The following ADGRA3 variants were observed in gnomAD, a reference collection of about 807,000 sequenced individuals.
The protein encoded by ADGRA3 is G-protein coupled receptor 125.
Under a neutral mutation model 119.8 loss-of-function variants are expected in ADGRA3, and 56 were observed. The ratio of observed to expected loss-of-function variants is 0.47; its 90% CI spans 0.38 to 0.58. The LOEUF (loss-of-function observed/expected upper bound fraction) is 0.58, where lower values mean the gene tolerates loss of function less well. Among genes scored for constraint, ADGRA3 ranks in the 20% least tolerant of loss-of-function variants. ADGRA3 has a pLI of 0.00. For synonymous variants in ADGRA3, 607 were observed against 623.8 expected, an observed-to-expected ratio of 0.97 and a Z score of 0.40; for missense variants, 1,516 against 1,649.0, an observed-to-expected ratio of 0.92 and a Z score of 1.40.
chr4:22,506,527 T>C (rs1719246354), intron 1 of ADGRA3, among the ~76,000 whole-genome samples: 3 of 152,170 alleles, frequency 2.0e-5, no homozygotes. Context: ...CACTCCAGCC[T>C]GGGTGACAGA....
At chr4:22,467,140 G>C (rs1162338168) in intron 2 of ADGRA3, among the ~76,000 whole-genome samples, 1 of 152,066 alleles carries the variant, frequency 6.6e-6, no homozygotes, top group East Asian at 1.9e-4. Context: ...TTCCAATATA[G>C]AAGAAAAAAC....
chr4:22,388,892 T>C lies in ADGRA3; in HGVS notation c.2779A>G (p.Ile927Val). 6.2e-7 allele frequency: 1 copy of C among 1,614,110 alleles called. No individual in the cohort carries two copies. Among genetic ancestry groups the C allele is most frequent in the Non-Finnish European group, 8.5e-7 (1 of 1,179,990 alleles). Residue 927 changes from isoleucine to valine, a missense_variant, in exon 19 of 19, where the codon ATC (isoleucine) becomes GTC (valine). Ile to Val is a conservative substitution (Grantham distance 29, BLOSUM62 3). Coordinates refer to ENST00000334304, the MANE Select transcript of ADGRA3 (RefSeq NM_145290.4). ...LGAFYGPASFITFVNCMYFLS... is the reference protein window; with the variant it reads ...LGAFYGPASFVTFVNCMYFLS... ...AAGTACATGCAGTTTACAAAAGTGATGAAGCTGGCTGGCCCATAGAAGGCT... is the reference window on the plus strand; with the variant it reads ...AAGTACATGCAGTTTACAAAAGTGACGAAGCTGGCTGGCCCATAGAAGGCT...
chr4:22,401,601 G>A, intron 15 of ADGRA3, 47 bp from the exon 16 acceptor site: 4 of 1,416,428 alleles, frequency 2.8e-6, no homozygotes, highest in East Asian at 2.3e-5. Context: ...TAGTACATAA[G>A]GAGAAAACTA....
chr4:22,472,406 A>AG (rs755392262), intron 2 of ADGRA3, among the ~76,000 whole-genome samples: 2 of 152,338 alleles, frequency 1.3e-5, no homozygotes, highest in South Asian at 4.1e-4. Context: ...CCCTTAGCTT[A>AG]GGCAGGCCTA....
chr4:22,481,896 T>C (rs1718271419), intron 1 of ADGRA3, among the ~76,000 whole-genome samples: 1 of 151,720 alleles, frequency 6.6e-6, no homozygotes, highest in Non-Finnish European at 1.5e-5. Flanking sequence ...TAATTCTTCC[T>C]AGCAAAAATG....
intron 7 of ADGRA3, 115 bp from the exon 8 acceptor site, chr4:22,438,535 G>A (rs1462084406): frequency 1.4e-6 from 1 of 732,782 alleles, no homozygotes; most frequent in Non-Finnish European, 2.2e-6. Flanking sequence ...TGTGGGGTAA[G>A]CACTTGCTAT....
intron 10 of ADGRA3, among the ~76,000 whole-genome samples, chr4:22,424,931 T>C (rs950071079): frequency 7.2e-5 from 11 of 151,986 alleles, no homozygotes; most frequent in Admixed American, 4.6e-4. Context: ...ACAAATTAGC[T>C]GGGCATGGTG....
chr4:22,486,822 C>A (rs934133444), intron 1 of ADGRA3, among the ~76,000 whole-genome samples: 1 of 152,176 alleles, frequency 6.6e-6, no homozygotes, highest in Non-Finnish European at 1.5e-5. Context: ...AAGTTCTTAA[C>A]CTCTTAGTTA....
At chr4:22,395,178 C>T (rs1023561022) in intron 16 of ADGRA3, among the ~76,000 whole-genome samples, 2 of 152,114 alleles carry the variant, frequency 1.3e-5, no homozygotes, top group African/African-American at 4.8e-5. Context: ...AGCCACCTTA[C>T]CTCGGGACAC....
At chr4:22,513,857 A>C (rs1042169942) in intron 1 of ADGRA3, among the ~76,000 whole-genome samples, 3 of 150,346 alleles carry the variant, frequency 2.0e-5, no homozygotes, top group African/African-American at 4.9e-5. Context: ...AAAAAAAAAA[A>C]AAAAAAAAAA....
At chr4:22,473,895 A>G in intron 1 of ADGRA3, 52 bp from the exon 2 acceptor site, 1 of 1,061,968 alleles carries the variant, frequency 9.4e-7, no homozygotes, top group Non-Finnish European at 1.4e-6. Flanking sequence ...TACCAATATC[A>G]AAGTAATTTA....
chr4:22,434,641 T>A (rs1217080032), intron 10 of ADGRA3, among the ~76,000 whole-genome samples: 1 of 152,186 alleles, frequency 6.6e-6, no homozygotes, highest in Non-Finnish European at 1.5e-5. Context: ...AACGTAAAGT[T>A]TAAGAACACA....
chr4:22,454,743 C>T (rs1182483857), intron 4 of ADGRA3, 123 bp downstream of exon 4: 6 of 706,788 alleles, frequency 8.5e-6, no homozygotes, highest in Admixed American at 2.4e-5. Context: ...AGCTCCTTGT[C>T]CCCTATGGCT....
chr4:22,443,757 G>A (rs554179174), intron 6 of ADGRA3, among the ~76,000 whole-genome samples: 13 of 152,196 alleles, frequency 8.5e-5, no homozygotes, highest in Non-Finnish European at 1.5e-4. Context: ...GAAAAAAGTC[G>A]TAGAAGATGA....
At chr4:22,409,020 A>T (rs796261412) in intron 14 of ADGRA3, among the ~76,000 whole-genome samples, 29 of 152,322 alleles carry the variant, frequency 1.9e-4, no homozygotes, top group African/African-American at 7.0e-4. Context: ...TGTACATACT[A>T]CACAACTAAA....
At chr4:22,398,467 T>A (rs543288190) in intron 16 of ADGRA3, among the ~76,000 whole-genome samples, 10 of 152,092 alleles carry the variant, frequency 6.6e-5, no homozygotes, top group Admixed American at 6.6e-5. Flanking sequence ...TTGTCAATAA[T>A]CTGTTATCTA....
intron 2 of ADGRA3, among the ~76,000 whole-genome samples, chr4:22,464,536 T>C (rs891371264): frequency 1.3e-5 from 2 of 152,162 alleles, no homozygotes; most frequent in Non-Finnish European, 2.9e-5. Context: ...GAGGATAAGT[T>C]CCCTGCTGTG....
chr4:22,387,694 G>T lies in ADGRA3; in HGVS notation c.*11C>A, dbSNP rs1487035383. The T allele has an allele frequency of 6.3e-7, 1 of 1,581,198 alleles. No homozygotes were observed. Among genetic ancestry groups the T allele is most frequent in the East Asian group, 2.3e-5 (1 of 44,408 alleles). On this transcript the variant is annotated 3_prime_UTR_variant, in exon 19 of 19. Coordinates refer to ENST00000334304, the MANE Select transcript of ADGRA3 (RefSeq NM_145290.4). ...GTTTATATGAATTTCTGCCTAGGAA[G>T]CCCAGCAATGTTACACAGTAGTTTC...
chr4:22,482,871 G>C (rs1718299370), intron 1 of ADGRA3, among the ~76,000 whole-genome samples: 1 of 152,212 alleles, frequency 6.6e-6, no homozygotes, highest in African/African-American at 2.4e-5. Flanking sequence ...AGAGGGCCTT[G>C]GGGCAGGAGA....
Sources: allele counts gnomAD v4.1 joint callset (sites outside exome capture counted in the v4.1 genomes callset), GRCh38; gene constraint gnomAD v4.1.1; transcripts MANE v1.5; gene names NCBI Gene and HGNC (gene_info 2026-07-23, HGNC 2026-07-21).